The following NCOA7 variants were observed in gnomAD, a reference collection of about 807,000 sequenced individuals.
The protein encoded by NCOA7 is 140 kDa estrogen receptor-associated protein.
In NCOA7, 45 loss-of-function variants were observed where a neutral mutation model predicts 104.3. The observed-to-expected ratio is 0.43, with a 90% confidence interval of 0.34 to 0.55. The LOEUF (loss-of-function observed/expected upper bound fraction) is 0.55. Ranked by LOEUF, NCOA7 falls within the 20% of genes least tolerant of loss-of-function variation. The pLI is 0.02. For missense variants in NCOA7, 1,041 were observed against 1,119.7 expected, an observed-to-expected ratio of 0.93 and a Z score of 1.00; for synonymous variants, 398 against 402.3, an observed-to-expected ratio of 0.99 and a Z score of 0.13.
chr6:125,916,092 C>G (rs1787048071), intron 11 of NCOA7, among the ~76,000 whole-genome samples: 1 of 152,144 alleles, frequency 6.6e-6, no homozygotes, highest in African/African-American at 2.4e-5. Context: ...AGGGAGGCAC[C>G]TGGTGGGAGG....
upstream of NCOA7, among the ~76,000 whole-genome samples, chr6:125,789,180 T>C (rs1390939860): frequency 6.6e-6 from 1 of 152,158 alleles, no homozygotes; most frequent in African/African-American, 2.4e-5. Context: ...TGGGAAAATA[T>C]CATAAATAAT....
At chr6:125,803,307 T>A (rs1162974919) in intron 1 of NCOA7, among the ~76,000 whole-genome samples, 2 of 152,232 alleles carry the variant, frequency 1.3e-5, no homozygotes, top group Non-Finnish European at 2.9e-5. Flanking sequence ...AACTTTTTCA[T>A]GCCCCTGTTT....
At chr6:125,856,134 C>T (rs375369146) in intron 3 of NCOA7, among the ~76,000 whole-genome samples, 1 of 152,058 alleles carries the variant, frequency 6.6e-6, no homozygotes, top group African/African-American at 2.4e-5. Context: ...TACCAGGAAT[C>T]AGAACTTGGC....
chr6:125,791,879 A>T (rs530748682), intron 1 of NCOA7, among the ~76,000 whole-genome samples: 62 of 152,276 alleles, frequency 4.1e-4, no homozygotes, highest in African/African-American at 1.4e-3. Context: ...TCTAGGTGTA[A>T]AGTTTATACA....
chr6:125,861,838 A>G (rs779953996), intron 3 of NCOA7, among the ~76,000 whole-genome samples: 2 of 151,970 alleles, frequency 1.3e-5, no homozygotes, highest in Non-Finnish European at 2.9e-5. Context: ...GGAGTTCGAG[A>G]CCAGCCTGAC....
chr6:125,806,180 A>C (rs184947529), intron 1 of NCOA7, among the ~76,000 whole-genome samples: 4 of 152,234 alleles, frequency 2.6e-5, no homozygotes, highest in African/African-American at 9.6e-5. Flanking sequence ...ATCTCTACTA[A>C]AAATACAAAA....
chr6:125,898,141 A>G (rs1057027583), intron 10 of NCOA7, among the ~76,000 whole-genome samples: 2 of 152,110 alleles, frequency 1.3e-5, no homozygotes, highest in Non-Finnish European at 2.9e-5. Flanking sequence ...TTTCTAAACT[A>G]TTCACTCTTG....
chr6:125,789,456 C>T (rs1038720158), upstream of NCOA7, among the ~76,000 whole-genome samples: 1 of 152,220 alleles, frequency 6.6e-6, no homozygotes, highest in Admixed American at 6.5e-5. Context: ...CATCAAAGAA[C>T]TGTGAGAGCA....
chr6:125,853,872 C>G (rs1445128819), intron 2 of NCOA7, among the ~76,000 whole-genome samples: 1 of 152,176 alleles, frequency 6.6e-6, no homozygotes, highest in African/African-American at 2.4e-5. Flanking sequence ...TCAGAGTTCT[C>G]TTAAGTGTTG....
intron 1 of NCOA7, among the ~76,000 whole-genome samples, chr6:125,795,448 A>G (rs1775231808): frequency 6.6e-6 from 1 of 152,114 alleles, no homozygotes; most frequent in South Asian, 2.1e-4. Flanking sequence ...TCACTAATCC[A>G]CAGGTAACCA....
intron 2 of NCOA7, among the ~76,000 whole-genome samples, chr6:125,818,481 A>G (rs970760435): frequency 6.6e-6 from 1 of 152,204 alleles, no homozygotes; most frequent in African/African-American, 2.4e-5. Flanking sequence ...GGATGAAATC[A>G]GTGATGCTCT....
rs115405400 is a variant in NCOA7, at chr6:125,900,676, G to A, written c.2096+9866G>A. Among the ~76,000 whole-genome samples the A allele has an allele frequency of 6.0e-3, 915 of 151,966 alleles. 10 individuals are homozygous for A. The highest frequency in any genetic ancestry group is 0.021 in the African/African-American group (876 of 41,470). On this transcript the variant is annotated intron_variant, in intron 10 of 15. Transcript: ENST00000392477. ...TTTGGTATGTGTGGTAAGAACACTC[G>A]TTAGCAAAAAAGGACCTGTCTACAA...
At chr6:125,808,702 CT>C (rs1252536545) in intron 1 of NCOA7, among the ~76,000 whole-genome samples, 199 of 152,338 alleles carry the variant, frequency 1.3e-3, no homozygotes, top group African/African-American at 4.7e-3. Flanking sequence ...ATGCATTTGT[CT>C]GTTTTCAGGC....
At chr6:125,886,577 T>C (rs767582092) in intron 8 of NCOA7, among the ~76,000 whole-genome samples, 1 of 152,200 alleles carries the variant, frequency 6.6e-6, no homozygotes, top group African/African-American at 2.4e-5. Context: ...AGCTTCTAAT[T>C]TGAAATTATT....
intron 3 of NCOA7, chr6:125,855,698 T>A (rs531439436): frequency 6.5e-6 from 1 of 153,330 alleles, no homozygotes; most frequent in South Asian, 2.0e-4. Context: ...GGAGTCTTTT[T>A]TTTGAGACAG....
intron 1 of NCOA7, among the ~76,000 whole-genome samples, chr6:125,792,353 A>G (rs891591294): frequency 1.3e-5 from 2 of 152,216 alleles, no homozygotes; most frequent in African/African-American, 4.8e-5. Context: ...AATTCTCCCC[A>G]ACTCTTAAGT....
intron 2 of NCOA7, among the ~76,000 whole-genome samples, chr6:125,840,868 GTTTTTTTTTTTTTTTTTTTTTTTT>G (rs57168444): frequency 2.7e-4 from 11 of 40,376 alleles, no homozygotes; most frequent in African/African-American, 6.2e-4. Context: ...TGTTTGGTTG[GTTTTTTTTTTTTTTTTTTTTTTTT>G]TTTTTTTTTT....
intron 10 of NCOA7, among the ~76,000 whole-genome samples, chr6:125,896,378 TG>T (rs1191976762): frequency 2.6e-5 from 4 of 152,186 alleles, no homozygotes; most frequent in Non-Finnish European, 5.9e-5. Context: ...AAGAAACAAA[TG>T]TAGCTATAAA....
chr6:125,874,629 A>C (rs1783210125), intron 3 of NCOA7, among the ~76,000 whole-genome samples: 1 of 152,248 alleles, frequency 6.6e-6, no homozygotes, highest in South Asian at 2.1e-4. Flanking sequence ...TAATCATTAT[A>C]CATTATCATT....
Sources: gnomAD v4.1 joint callset for allele counts (sites outside exome capture counted in the v4.1 genomes callset) on GRCh38, gnomAD v4.1.1 for gene constraint, MANE v1.5 for transcripts, NCBI Gene and HGNC (gene_info 2026-07-23, HGNC 2026-07-21) for gene names.